PDZD2: variants seen among roughly 807,000 people sequenced by gnomAD.
PDZD2 encodes the protein PDZ domain containing 2, also known as PDZ domain-containing protein 2.
A neutral mutation model predicts 220.7 loss-of-function variants in PDZD2; 90 were observed. The ratio of observed to expected loss-of-function variants is 0.41; its 90% CI spans 0.34 to 0.49. The LOEUF is 0.49. Ranked by LOEUF, PDZD2 falls within the 20% of genes least tolerant of loss-of-function variation. The probability of loss-of-function intolerance (pLI) is 0.28; values close to 1 mark genes in which losing one functional copy is unlikely to be tolerated. For missense variants in PDZD2, 3,174 were observed against 3,608.5 expected (o/e 0.88, Z 3.08); for synonymous variants, 1,375 against 1,450.5 (o/e 0.95, Z 1.18).
At chr5:31,786,596 C>T (rs1753392784) in intron 1 of PDZD2, among the ~76,000 whole-genome samples, 1 of 152,102 alleles carries the variant, frequency 6.6e-6, no homozygotes, top group Non-Finnish European at 1.5e-5. Flanking sequence ...TCAAAACTTC[C>T]ATGGTTGTGT....
chr5:31,735,232 G>T (rs1357245195), intron 1 of PDZD2, among the ~76,000 whole-genome samples: 2 of 152,126 alleles, frequency 1.3e-5, no homozygotes, highest in African/African-American at 2.4e-5. Flanking sequence ...GAGCTGAAGG[G>T]GCTGGTTCTG....
chr5:32,000,970 C>T lies in PDZD2; in HGVS notation c.1254+699C>T, dbSNP rs895196377. On this transcript the variant is annotated intron_variant, in intron 5 of 24. Coordinates refer to ENST00000438447, the MANE Select transcript of PDZD2 (RefSeq NM_178140.4). This position sits in a 1 kb window ranked among gnomAD's most constrained non-coding sequence, Gnocchi z 4.5. ...CTGAGAGCTCCGCCTCCTGTCAGAT[C>T]AGCGGCGGCACTGGACTCTCATAGG... Among the ~76,000 whole-genome samples the T allele has an allele frequency of 7.2e-5, 11 of 152,204 alleles. No homozygotes were observed. The highest frequency in any genetic ancestry group is 2.7e-4 in the African/African-American group (11 of 41,448).
chr5:31,805,521 G>A (rs1320459061), intron 2 of PDZD2, among the ~76,000 whole-genome samples: 1 of 152,174 alleles, frequency 6.6e-6, no homozygotes, highest in East Asian at 1.9e-4. Flanking sequence ...TTAATTGTAA[G>A]CAGTGGGTTT....
At chr5:31,977,816 T>G (rs1490330700) in intron 2 of PDZD2, among the ~76,000 whole-genome samples, 1 of 151,764 alleles carries the variant, frequency 6.6e-6, no homozygotes, top group Non-Finnish European at 1.5e-5. Context: ...CTACTGAAAA[T>G]ACAAAAAATT....
At chr5:32,057,816 T>TA in intron 11 of PDZD2, 62 bp from the exon 12 acceptor site, 1 of 1,405,846 alleles carries the variant, frequency 7.1e-7, no homozygotes, top group Non-Finnish European at 1.0e-6. Context: ...TTTTTTTTTT[T>TA]AACCCTTTGA....
At chr5:31,748,813 AT>A (rs1750754796) in intron 1 of PDZD2, among the ~76,000 whole-genome samples, 1 of 152,262 alleles carries the variant, frequency 6.6e-6, no homozygotes, top group African/African-American at 2.4e-5. Context: ...GTGTGAGGTT[AT>A]CTTCACATTG....
chr5:31,744,092 G>A (rs1327636038), intron 1 of PDZD2: 2 of 152,170 alleles, frequency 1.3e-5, no homozygotes, highest in Admixed American at 6.5e-5. Flanking sequence ...TGGTTTGTCT[G>A]GAACTTTCTG....
rs748840132 is a variant in PDZD2, at chr5:32,108,122, G to A, written c.8507G>A (p.Arg2836Lys). 1.3e-6 allele frequency: 2 copies of A among 1,588,880 alleles called. No homozygotes were observed. The highest frequency in any genetic ancestry group is 2.7e-5 in the African/African-American group (2 of 73,970). Residue 2836 changes from arginine (R) to lysine (K), a missense_variant, in exon 25 of 25, where the codon AGG becomes AAG. Transcript: ENST00000438447. ...GPVQLLIRKH[R>K]NSS Reference sequence around the variant, plus strand: ...GTGCAGTTATTAATTAGAAAGCATAGGAATTCTTCATGAATTTTAACAAGA... The same window carrying A: ...GTGCAGTTATTAATTAGAAAGCATAAGAATTCTTCATGAATTTTAACAAGA...
chr5:31,754,778 A>C (rs1307002270), intron 1 of PDZD2: 1 of 152,168 alleles, frequency 6.6e-6, no homozygotes, highest in East Asian at 1.9e-4. Flanking sequence ...CCTCATTTCC[A>C]CACTGGCTAG....
chr5:31,871,937 C>G (rs1288310691), intron 2 of PDZD2, among the ~76,000 whole-genome samples: 2 of 151,986 alleles, frequency 1.3e-5, no homozygotes, highest in Non-Finnish European at 2.9e-5. Flanking sequence ...GTTATCAACC[C>G]TCCTCGGTCT....
intron 2 of PDZD2, among the ~76,000 whole-genome samples, chr5:31,817,368 C>G (rs1167392463): frequency 6.6e-6 from 1 of 151,646 alleles, no homozygotes; most frequent in Non-Finnish European, 1.5e-5. Context: ...GTGGTGGATC[C>G]CTGTAATCCC....
At chr5:31,962,412 C>G (rs547103690) in intron 2 of PDZD2, among the ~76,000 whole-genome samples, 2 of 152,302 alleles carry the variant, frequency 1.3e-5, no homozygotes, top group Admixed American at 1.3e-4. Flanking sequence ...TCACCTGACA[C>G]TCTCAGCAGG....
intron 1 of PDZD2, among the ~76,000 whole-genome samples, chr5:31,726,590 G>A (rs1749155309): frequency 6.6e-6 from 1 of 152,212 alleles, no homozygotes. Flanking sequence ...GGATCAACTT[G>A]AAGATGAGAA....
intron 1 of PDZD2, among the ~76,000 whole-genome samples, chr5:31,642,379 C>T (rs1408499981): frequency 1.3e-5 from 2 of 152,112 alleles, no homozygotes; most frequent in Admixed American, 1.3e-4. Flanking sequence ...AGTGGAGAGG[C>T]AGGGATGTCT....
intron 2 of PDZD2, among the ~76,000 whole-genome samples, chr5:31,918,666 C>T (rs576646245): frequency 6.8e-4 from 103 of 152,198 alleles, no homozygotes; most frequent in African/African-American, 2.4e-3. Flanking sequence ...CTTGGCTCAT[C>T]CCTAGCCAGG....
chr5:31,940,961 C>CA (rs963316165), intron 2 of PDZD2, among the ~76,000 whole-genome samples: 61 of 150,186 alleles, frequency 4.1e-4, no homozygotes, highest in Middle Eastern at 3.4e-3. Context: ...GCCCCCCCAC[C>CA]AAAAAAAAAG....
chr5:31,712,227 G>C (rs1039047616), intron 1 of PDZD2: 12 of 152,264 alleles, frequency 7.9e-5, no homozygotes, highest in African/African-American at 2.7e-4. Flanking sequence ...GCCAAACTCA[G>C]CGGCTGAAGA....
intron 2 of PDZD2, among the ~76,000 whole-genome samples, chr5:31,818,459 A>C (rs1448703063): frequency 6.6e-6 from 1 of 152,062 alleles, no homozygotes; most frequent in East Asian, 1.9e-4. Context: ...TTTCTTTGGG[A>C]TCTGCAAACC....
intron 2 of PDZD2, among the ~76,000 whole-genome samples, chr5:31,860,648 A>G (rs915891605): frequency 2.0e-5 from 3 of 152,096 alleles, no homozygotes; most frequent in Admixed American, 2.0e-4. Context: ...GCTACATCGA[A>G]CTTTCATCTC....
Sources: allele counts gnomAD v4.1 joint callset (sites outside exome capture counted in the v4.1 genomes callset), GRCh38; gene constraint gnomAD v4.1.1; non-coding constraint Gnocchi (gnomAD v3.1); transcripts MANE v1.5; gene names NCBI Gene and HGNC (gene_info 2026-07-23, HGNC 2026-07-21).